Variants in ADARB2 observed in about 807,000 individuals in gnomAD.
ADARB2 encodes the protein adenosine deaminase RNA specific B2 (inactive), also known as inactive double-stranded RNA-specific editase B2.
In ADARB2, 25 loss-of-function variants were observed where a neutral mutation model predicts 62.2. The ratio of observed to expected loss-of-function variants is 0.40; its 90% CI spans 0.29 to 0.56. The LOEUF (loss-of-function observed/expected upper bound fraction) is 0.56. ADARB2 is among the 20% of genes least tolerant of loss of function. The pLI is 0.43. For synonymous variants in ADARB2, 572 were observed against 500.8 expected, an observed-to-expected ratio of 1.14 and a Z score of -1.90; for missense variants, 1,071 against 1,077.4, an observed-to-expected ratio of 0.99 and a Z score of 0.08.
intron 6 of ADARB2, among the ~76,000 whole-genome samples, chr10:1,219,712 A>C (rs368832293): frequency 1.3e-5 from 2 of 151,422 alleles, no homozygotes; most frequent in East Asian, 3.9e-4. Flanking sequence ...GGTGGTGGTG[A>C]TGGTGTTAAT....
At position 1,616,566 on chromosome 10, in the gene ADARB2, C is replaced by G. The variant is rs1323999903; in HGVS notation, c.100+120485G>C. ...GTTTGTGTGCCCGTCCAGACACACT[C>G]CGCACCACCCTGCTGTGCTCTGCAT... On this transcript the variant is annotated intron_variant, in intron 1 of 9. Transcript: ENST00000381312. Among the ~76,000 whole-genome samples, 96 of 12,932 alleles carry G rather than the reference C, an allele frequency of 7.4e-3. 6 individuals are homozygous for G. The highest frequency in any genetic ancestry group is 0.013 in the African/African-American group (24 of 1,870). 8.5% of individuals were successfully genotyped at this position (12,932 alleles called of 152,430 possible). A position where few individuals can be genotyped will look rare whatever the true frequency, so the allele number is the denominator to read the frequency against.
chr10:1,332,168 C>G (rs930115207), intron 3 of ADARB2, among the ~76,000 whole-genome samples: 1 of 152,206 alleles, frequency 6.6e-6, no homozygotes, highest in African/African-American at 2.4e-5. Flanking sequence ...CTTTGAGAAG[C>G]TGAAGCAGGC....
At chr10:1,259,237 G>T (rs112240672) in intron 4 of ADARB2, among the ~76,000 whole-genome samples, 3,181 of 152,238 alleles carry the variant, frequency 0.021, 48 homozygotes, top group Non-Finnish European at 0.033. Context: ...ACAGTGAAAA[G>T]AACTAGACAA....
rs1836664017 is a variant in ADARB2, at chr10:1,180,786, A to T, written c.*2407T>A. 6.6e-6 allele frequency: 1 copy of T among 152,244 alleles called. No homozygotes were observed. Among genetic ancestry groups the T allele is most frequent in the Non-Finnish European group, 1.5e-5 (1 of 68,060 alleles). 9.4% of individuals were successfully genotyped at this position (152,244 alleles called of 1,614,324 possible). A position where few individuals can be genotyped will look rare whatever the true frequency, so the allele number is the denominator to read the frequency against. ...CTATCGGCCTTCTCTGAAGAGCTTTAATCTCTCCTTCCATGGAGTCTCCTG... is the reference window on the plus strand; with the variant it reads ...CTATCGGCCTTCTCTGAAGAGCTTTTATCTCTCCTTCCATGGAGTCTCCTG... On this transcript the variant is annotated 3_prime_UTR_variant, in exon 10 of 10. Coordinates refer to ENST00000381312, the MANE Select transcript of ADARB2 (RefSeq NM_018702.4).
chr10:1,629,487 G>A (rs373405470), intron 1 of ADARB2, among the ~76,000 whole-genome samples: 176 of 146,232 alleles, frequency 1.2e-3, no homozygotes, highest in African/African-American at 4.3e-3. Context: ...CCCGCCCTGC[G>A]CCCAACCTCC....
At chr10:1,402,682 A>C (rs1050984375) in intron 1 of ADARB2, among the ~76,000 whole-genome samples, 1 of 152,050 alleles carries the variant, frequency 6.6e-6, no homozygotes, top group Non-Finnish European at 1.5e-5. Context: ...TGGTCAGAGG[A>C]AGCCTCCTCC....
At chr10:1,355,691 G>C (rs1472204550) in intron 3 of ADARB2, among the ~76,000 whole-genome samples, 1 of 152,186 alleles carries the variant, frequency 6.6e-6, no homozygotes, top group Non-Finnish European at 1.5e-5. Context: ...GGAACCTATA[G>C]GCTTAAATAC....
chr10:1,188,867 G>C (rs1421692512), intron 8 of ADARB2, among the ~76,000 whole-genome samples: 1 of 152,234 alleles, frequency 6.6e-6, no homozygotes, highest in Non-Finnish European at 1.5e-5. Flanking sequence ...CTTATGGTGA[G>C]AGGAAGTGCA....
chr10:1,676,013 G>C, intron 1 of ADARB2: 1 of 985,342 alleles, frequency 1.0e-6, no homozygotes, highest in Non-Finnish European at 1.2e-6. Flanking sequence ...TTTGGTAAGA[G>C]GCTGTGAGTC....
chr10:1,720,724 C>T (rs1335109820), intron 1 of ADARB2, among the ~76,000 whole-genome samples: 2 of 152,092 alleles, frequency 1.3e-5, no homozygotes, highest in Non-Finnish European at 2.9e-5. Flanking sequence ...GGCCTCTGGG[C>T]CCCTGGACAC....
At chr10:1,384,505 C>T (rs1395013500) in intron 1 of ADARB2, among the ~76,000 whole-genome samples, 1 of 152,164 alleles carries the variant, frequency 6.6e-6, no homozygotes, top group African/African-American at 2.4e-5. Context: ...GAGGGAGTTG[C>T]AGCTCACCAG....
At chr10:1,254,347 G>A (rs1022115206) in intron 4 of ADARB2, among the ~76,000 whole-genome samples, 4 of 152,222 alleles carry the variant, frequency 2.6e-5, no homozygotes, top group African/African-American at 7.2e-5. Context: ...ACTCCTGAGT[G>A]GAGATGATGG....
At chr10:1,468,121 G>C (rs542262770) in intron 1 of ADARB2, among the ~76,000 whole-genome samples, 1 of 152,204 alleles carries the variant, frequency 6.6e-6, no homozygotes, top group Non-Finnish European at 1.5e-5. Flanking sequence ...CTTATTTTCT[G>C]TGTTTCTCCC....
chr10:1,568,854 T>C (rs762298619), intron 1 of ADARB2, among the ~76,000 whole-genome samples: 9 of 138,278 alleles, frequency 6.5e-5, no homozygotes, highest in Non-Finnish European at 9.5e-5. Context: ...ATGAGCTAAA[T>C]GGACAAAGCA....
intron 1 of ADARB2, among the ~76,000 whole-genome samples, chr10:1,649,486 G>T (rs1028007743): frequency 6.6e-6 from 1 of 152,074 alleles, no homozygotes; most frequent in Non-Finnish European, 1.5e-5. Context: ...AATTTTCTCC[G>T]TGGCTCATTT....
Position 1,433,177 on chromosome 10 carries a change from G to A in ADARB2, c.101-54017C>T, listed in dbSNP as rs1402205056. 9.2e-5 allele frequency among the ~76,000 whole-genome samples: 14 copies of A among 152,156 alleles called. No homozygotes were observed. The East Asian group carries it at 2.3e-3, about 25-fold the overall frequency. On this transcript the variant is annotated intron_variant, in intron 1 of 9. Coordinates refer to ENST00000381312, the MANE Select transcript of ADARB2 (RefSeq NM_018702.4). ...GAAGAGGAGTCATGCAAGGAAAGGC[G>A]AAGCTTGAGAAAGAACACGGTGGGA...
At chr10:1,562,379 C>A (rs1190996416) in intron 1 of ADARB2, among the ~76,000 whole-genome samples, 1 of 152,196 alleles carries the variant, frequency 6.6e-6, no homozygotes, top group Admixed American at 6.5e-5. Flanking sequence ...GATCGGGGCT[C>A]TGCCATCAGA....
intron 1 of ADARB2, among the ~76,000 whole-genome samples, chr10:1,693,376 A>T (rs77722205): frequency 2.0e-5 from 3 of 152,122 alleles, no homozygotes; most frequent in Non-Finnish European, 4.4e-5. Flanking sequence ...AGACCTGGAG[A>T]CTGCAAAACA....
chr10:1,594,641 G>T (rs114014009), intron 1 of ADARB2, among the ~76,000 whole-genome samples: 1 of 152,142 alleles, frequency 6.6e-6, no homozygotes, highest in Non-Finnish European at 1.5e-5. Context: ...TGAGAGAAAC[G>T]CCCACTCCTC....
Sources: gnomAD v4.1 joint callset for allele counts (sites outside exome capture counted in the v4.1 genomes callset) on GRCh38, gnomAD v4.1.1 for gene constraint, MANE v1.5 for transcripts, NCBI Gene and HGNC (gene_info 2026-07-23, HGNC 2026-07-21) for gene names.